The following USP47 variants were observed in gnomAD, a reference collection of about 807,000 sequenced individuals.
USP47 encodes ubiquitin specific peptidase 47.
In USP47, 35 loss-of-function variants were observed where a neutral mutation model predicts 165.1. The observed-to-expected ratio is 0.21, with a 90% confidence interval of 0.16 to 0.28. The LOEUF (loss-of-function observed/expected upper bound fraction) is 0.28. Ranked by LOEUF, USP47 falls within the 10% of genes least tolerant of loss-of-function variation. The pLI is 1.00. For missense variants in USP47, 1,277 were observed against 1,607.4 expected, an observed-to-expected ratio of 0.79 and a Z score of 3.52; for synonymous variants, 531 against 544.5, an observed-to-expected ratio of 0.98 and a Z score of 0.35.
rs1335817995 is a variant in USP47 at position 11,938,259 on chromosome 11, G to T, written c.2080G>T (p.Val694Leu). The stretch of plus-strand genomic sequence containing the variant: ...GTTTATGTCTTCAAATGTGACAGAA[G>T]TGATGGTGAAAGTTCATGTTGTTGA... Reference protein sequence around the residue: ...QVFQSYKPGEVMVKVHVVDLK... With the variant: ...QVFQSYKPGELMVKVHVVDLK... The change falls in exon 18 of 28, where the codon GTG becomes TTG. Residue 694 changes from valine to leucine, a missense_variant and splice_region_variant. This residue lies in a region of USP47 where 909 missense variants were observed against 1,068.1 expected (regional missense o/e 0.85). Coordinates refer to ENST00000527733, the MANE Select transcript of USP47 (RefSeq NM_001282659.2). 1.9e-6 allele frequency: 3 copies of T among 1,611,054 alleles called. No individual in the cohort carries two copies. The East Asian group carries it at 6.7e-5, about 36-fold the overall frequency.
chr11:11,863,987 G>T (rs767874577), intron 1 of USP47, among the ~76,000 whole-genome samples: 5 of 151,958 alleles, frequency 3.3e-5, no homozygotes, highest in Non-Finnish European at 7.4e-5. Flanking sequence ...TTGAGATCTG[G>T]GTTCTAATTG....
chr11:11,947,241 C>CA (rs1855902947), intron 20 of USP47, among the ~76,000 whole-genome samples: 2 of 152,130 alleles, frequency 1.3e-5, no homozygotes, highest in Non-Finnish European at 2.9e-5. Context: ...CGAAGCTCAT[C>CA]AAAGATAATC....
intron 1 of USP47, among the ~76,000 whole-genome samples, chr11:11,850,049 A>G (rs1335679901): frequency 6.6e-6 from 1 of 152,032 alleles, no homozygotes; most frequent in African/African-American, 2.4e-5. Flanking sequence ...AGCTAGAGAG[A>G]GAATCTTTGT....
intron 1 of USP47, among the ~76,000 whole-genome samples, chr11:11,871,524 A>G (rs1056607405): frequency 8.0e-6 from 1 of 124,582 alleles, no homozygotes; most frequent in East Asian, 2.4e-4. Flanking sequence ...AAAAAAAAAA[A>G]AAAAAAAAAA....
Position 11,944,217 on chromosome 11 carries a change from G to T in USP47, c.3091+1105G>T, listed in dbSNP as rs1392085655. On this transcript the variant is annotated intron_variant, in intron 20 of 27. Transcript: ENST00000527733. ...GTAACTGTTAGAAGCAGAGACAACTGAGATGCAGCCTTATGCTTCATCTCA... is the reference window on the plus strand; with the variant it reads ...GTAACTGTTAGAAGCAGAGACAACTTAGATGCAGCCTTATGCTTCATCTCA... Among the ~76,000 whole-genome samples, 3 of 150,384 alleles carry T rather than the reference G, an allele frequency of 2.0e-5. No individual in the cohort carries two copies. In the East Asian group the frequency reaches 5.8e-4, roughly 29 times the overall value.
intron 8 of USP47, among the ~76,000 whole-genome samples, chr11:11,919,516 A>G (rs932987969): frequency 6.6e-6 from 1 of 151,858 alleles, no homozygotes; most frequent in Non-Finnish European, 1.5e-5. Flanking sequence ...CTTCTGTTGT[A>G]ATGCTGTATG....
intron 11 of USP47, among the ~76,000 whole-genome samples, chr11:11,924,019 TC>T (rs1854057064): frequency 6.6e-6 from 1 of 152,226 alleles, no homozygotes; most frequent in African/African-American, 2.4e-5. Context: ...CTCACTGCAC[TC>T]TGTGGGACTT....
intron 8 of USP47, among the ~76,000 whole-genome samples, chr11:11,916,870 C>G (rs942525564): frequency 4.6e-5 from 7 of 152,112 alleles, no homozygotes; most frequent in Non-Finnish European, 1.0e-4. Flanking sequence ...TGAATTGAGG[C>G]CAGTCACAGT....
intron 2 of USP47, among the ~76,000 whole-genome samples, chr11:11,882,305 G>A (rs568726300): frequency 6.6e-5 from 10 of 152,274 alleles, no homozygotes; most frequent in African/African-American, 2.4e-4. Context: ...AACAGTCAGT[G>A]AAGTTGAATG....
chr11:11,942,433 A>G lies in USP47; in HGVS notation c.2412A>G (p.Leu804=), dbSNP rs2134785290. The G allele has an allele frequency of 6.2e-7, 1 of 1,613,606 alleles. No individual in the cohort carries two copies. The stretch of plus-strand genomic sequence containing the variant: ...ATCGGCATGCAAATACAATCAGATT[A>G]TTTGTTTTGCTACCTGAACAATCCC... ...LLDRHANTIR[L]FVLLPEQSPV... Residue 804 remains leucine (L), a synonymous_variant, in exon 20 of 28, where the codon TTA becomes TTG. Transcript: ENST00000527733.
At chr11:11,857,117 C>T (rs1849092518) in intron 1 of USP47, among the ~76,000 whole-genome samples, 1 of 151,644 alleles carries the variant, frequency 6.6e-6, no homozygotes, top group East Asian at 1.9e-4. Context: ...GGATTATAAA[C>T]CTAGTTCCAG....
chr11:11,849,559 A>G (rs984530001), intron 1 of USP47, among the ~76,000 whole-genome samples: 2 of 152,268 alleles, frequency 1.3e-5, no homozygotes, highest in Non-Finnish European at 2.9e-5. Context: ...TCTCAAGTGT[A>G]TAAATGGCTT....
At chr11:11,908,154 C>T (rs1852704529) in intron 8 of USP47, among the ~76,000 whole-genome samples, 7 of 152,158 alleles carry the variant, frequency 4.6e-5, no homozygotes, top group Admixed American at 4.6e-4. Context: ...CGCACATGTA[C>T]ACACTGATGG....
intron 1 of USP47, among the ~76,000 whole-genome samples, chr11:11,859,994 C>CT (rs897974852): frequency 9.3e-5 from 14 of 151,298 alleles, no homozygotes; most frequent in African/African-American, 2.9e-4. Flanking sequence ...GTTCCAGCTA[C>CT]TTGGGAGGCT....
intron 5 of USP47, among the ~76,000 whole-genome samples, chr11:11,899,458 A>G (rs1428115051): frequency 1.3e-5 from 2 of 152,338 alleles, no homozygotes; most frequent in East Asian, 1.9e-4. Flanking sequence ...TACCTCATTT[A>G]GAGCTTCCTT....
chr11:11,898,392 A>G (rs1261903623), intron 5 of USP47, among the ~76,000 whole-genome samples: 1 of 152,080 alleles, frequency 6.6e-6, no homozygotes, highest in Non-Finnish European at 1.5e-5. Context: ...ACTTTCCACT[A>G]ACATCTTTAA....
rs528523247 is a variant in USP47, at chr11:11,897,116, T to A, written c.497-481T>A. On this transcript the variant is annotated intron_variant, in intron 4 of 27. Coordinates refer to ENST00000527733, the MANE Select transcript of USP47 (RefSeq NM_001282659.2). The stretch of plus-strand genomic sequence containing the variant: ...CGTATGTTATTCATTCTTACAGAAA[T>A]TGGCTTATAGGGCTTGATGACAGGG... Among the ~76,000 whole-genome samples, 52 of 150,644 alleles carry A rather than the reference T, an allele frequency of 3.5e-4. No individual in the cohort carries two copies. The South Asian group carries it at 0.011, about 32-fold the overall frequency.
At chr11:11,852,367 C>T (rs573991841) in intron 1 of USP47, among the ~76,000 whole-genome samples, 17 of 149,962 alleles carry the variant, frequency 1.1e-4, no homozygotes, top group African/African-American at 4.2e-4. Context: ...GATTATAATC[C>T]AATTCTATAT....
chr11:11,858,705 A>G (rs935108376), intron 1 of USP47, among the ~76,000 whole-genome samples: 3 of 152,230 alleles, frequency 2.0e-5, no homozygotes, highest in Admixed American at 6.5e-5. Flanking sequence ...TTCACCTAGC[A>G]TAAAGCATTT....
Sources: gnomAD v4.1 joint callset for allele counts (sites outside exome capture counted in the v4.1 genomes callset) on GRCh38, gnomAD v4.1.1 for gene constraint, gnomAD v4.1.1 regional missense constraint, MANE v1.5 for transcripts, NCBI Gene and HGNC (gene_info 2026-07-23, HGNC 2026-07-21) for gene names.